LNP1: variants seen among roughly 807,000 people sequenced by gnomAD.
LNP1 encodes the protein leukemia NUP98 fusion partner 1.
LNP1 carries 12 observed loss-of-function variants against 14.5 expected under a neutral mutation model. The ratio of observed to expected loss-of-function variants is 0.83; its 90% CI spans 0.53 to 1.34. The LOEUF (loss-of-function observed/expected upper bound fraction) is 1.34, where lower values mean the gene tolerates loss of function less well. Among genes scored for constraint, LNP1 ranks in the 40% most tolerant of loss-of-function variants. The probability of loss-of-function intolerance (pLI) is 0.00; values close to 1 mark genes in which losing one functional copy is unlikely to be tolerated. For synonymous variants in LNP1, 75 were observed against 71.4 expected, an observed-to-expected ratio of 1.05 and a Z score of -0.26; for missense variants, 198 against 210.9, an observed-to-expected ratio of 0.94 and a Z score of 0.38.
In LNP1 at chr3:100,401,678, G is replaced by A. The variant is rs566841137; in HGVS notation, c.-795G>A. 1 of 152,432 alleles carries A rather than the reference G, an allele frequency of 6.6e-6. No individual in the cohort carries two copies. Among genetic ancestry groups the A allele is most frequent in the Admixed American group, 6.5e-5 (1 of 15,302 alleles). 9.4% of individuals were successfully genotyped at this position (152,432 alleles called of 1,614,324 possible). A position where few individuals can be genotyped will look rare whatever the true frequency, so the allele number is the denominator to read the frequency against. ...AGGAAAGAGCTCACCGCTGAAGAAG[G>A]CTGCTGCATCACTGAACTTCTTATC... On this transcript the variant is annotated 5_prime_UTR_variant, in exon 1 of 4. Coordinates refer to ENST00000383693, the MANE Select transcript of LNP1 (RefSeq NM_001085451.2).
chr3:100,451,873 C>T lies in LNP1; in HGVS notation c.311C>T (p.Ser104Phe), dbSNP rs754119227. 8 of 1,317,700 alleles carry T rather than the reference C, an allele frequency of 6.1e-6. No individual in the cohort carries two copies. Among genetic ancestry groups the T allele is most frequent in the Non-Finnish European group, 5.9e-6 (6 of 1,021,724 alleles). 81.6% of individuals were successfully genotyped at this position (1,317,700 alleles called of 1,614,324 possible). A position where few individuals can be genotyped will look rare whatever the true frequency, so the allele number is the denominator to read the frequency against. The change falls in exon 3 of 4, where the codon TCC (serine) becomes TTC (phenylalanine). Residue 104 changes from serine (S) to phenylalanine (F), a missense_variant. Ser to Phe is a radical substitution (Grantham distance 155). Transcript: ENST00000383693. ...FKEPLESKGRSHSKIEKFSES... is the reference protein window; with the variant it reads ...FKEPLESKGRFHSKIEKFSES... ...GAGCCACTGGAATCAAAAGGAAGAT[C>T]CCATTCCAAAATTGAGAAATTTTCA... is the stretch of plus-strand genomic sequence containing the variant.
chr3:100,449,553 G>A (rs1371973168), intron 2 of LNP1, among the ~76,000 whole-genome samples: 1 of 152,074 alleles, frequency 6.6e-6, no homozygotes, highest in African/African-American at 2.4e-5. Context: ...AGAGACAGCA[G>A]AAGTAAATGA....
chr3:100,428,409 G>A (rs1036914765), intron 1 of LNP1, among the ~76,000 whole-genome samples: 12 of 151,960 alleles, frequency 7.9e-5, no homozygotes, highest in South Asian at 2.1e-4. Flanking sequence ...GTGGGTGCCC[G>A]TAATCCCAGC....
At position 100,456,169 on chromosome 3, in the gene LNP1, A is replaced by G; in HGVS notation, c.*243A>G. The G allele has an allele frequency of 2.6e-6, 1 of 385,068 alleles. No homozygotes were observed. The highest frequency in any genetic ancestry group is 4.7e-6 in the Non-Finnish European group (1 of 214,092). 23.9% of individuals were successfully genotyped at this position (385,068 alleles called of 1,614,324 possible). A position where few individuals can be genotyped will look rare whatever the true frequency, so the allele number is the denominator to read the frequency against. ...GTATAATCTGCTTGGTTGCCTTTTT[A>G]TGGGAATAAAGAGAATAAAAGGTAT... is the stretch of plus-strand genomic sequence containing the variant. On this transcript the variant is annotated 3_prime_UTR_variant, in exon 4 of 4. Transcript: ENST00000383693.
chr3:100,404,192 G>GT (rs1206747663), intron 1 of LNP1, among the ~76,000 whole-genome samples: 3 of 152,092 alleles, frequency 2.0e-5, no homozygotes, highest in African/African-American at 7.2e-5. Context: ...ATTCATTGTG[G>GT]TTTTTTTGTG....
chr3:100,422,083 G>A (rs1161038102), intron 1 of LNP1, among the ~76,000 whole-genome samples: 3 of 151,950 alleles, frequency 2.0e-5, no homozygotes, highest in Admixed American at 6.5e-5. Context: ...TTCAACAGAA[G>A]TGCTGAGGCA....
At chr3:100,427,319 G>A (rs1707202698) in intron 1 of LNP1, among the ~76,000 whole-genome samples, 1 of 152,058 alleles carries the variant, frequency 6.6e-6, no homozygotes, top group Admixed American at 6.5e-5. Flanking sequence ...AAACCCAAAG[G>A]CATCAGCCAG....
At chr3:100,408,822 A>G (rs982465138) in intron 1 of LNP1, among the ~76,000 whole-genome samples, 46 of 152,034 alleles carry the variant, frequency 3.0e-4, no homozygotes, top group African/African-American at 1.1e-3. Flanking sequence ...GTCTTGGGGG[A>G]AGGGTGACAT....
At chr3:100,427,674 A>G (rs1202429945) in intron 1 of LNP1, among the ~76,000 whole-genome samples, 2 of 152,318 alleles carry the variant, frequency 1.3e-5, no homozygotes, top group East Asian at 1.9e-4. Flanking sequence ...AGTTGTACTC[A>G]TGGATAAGAT....
At chr3:100,435,531 A>C (rs1707286158) in intron 2 of LNP1, among the ~76,000 whole-genome samples, 1 of 152,228 alleles carries the variant, frequency 6.6e-6, no homozygotes, top group Non-Finnish European at 1.5e-5. Flanking sequence ...CACTAAATGC[A>C]TGCAGTGTAT....
chr3:100,428,063 A>G lies in LNP1; in HGVS notation c.-33-1634A>G, dbSNP rs552905613. 2.0e-5 allele frequency among the ~76,000 whole-genome samples: 3 copies of G among 152,342 alleles called. No individual in the cohort carries two copies. In the East Asian group the frequency reaches 5.8e-4, roughly 29 times the overall value. ...CGAGACTTCTCCAAGTTCTCTTGAA[A>G]TACTGGCAGGATGGTGGAAAGAGCC... On this transcript the variant is annotated intron_variant, in intron 1 of 3. Transcript: ENST00000383693.
At chr3:100,420,231 A>G (rs1020891436) in intron 1 of LNP1, among the ~76,000 whole-genome samples, 2 of 152,186 alleles carry the variant, frequency 1.3e-5, no homozygotes, top group African/African-American at 4.8e-5. Context: ...CACCATTTGT[A>G]TATCCTTCTC....
chr3:100,444,478 T>G (rs1053099842), intron 2 of LNP1, among the ~76,000 whole-genome samples: 6 of 152,224 alleles, frequency 3.9e-5, no homozygotes, highest in Non-Finnish European at 5.9e-5. Flanking sequence ...CCTGTATAAT[T>G]GTAATACCAA....
At chr3:100,406,499 T>A (rs1489376039) in intron 1 of LNP1, among the ~76,000 whole-genome samples, 1 of 152,140 alleles carries the variant, frequency 6.6e-6, no homozygotes, top group Non-Finnish European at 1.5e-5. Flanking sequence ...TATAAATGTG[T>A]CTGTGGTGGT....
intron 2 of LNP1, among the ~76,000 whole-genome samples, chr3:100,450,602 G>T (rs1031298637): frequency 6.6e-6 from 1 of 152,136 alleles, no homozygotes; most frequent in Non-Finnish European, 1.5e-5. Context: ...CTCCCAAAGT[G>T]CTGGGATTAC....
chr3:100,413,346 C>T (rs752230323), intron 1 of LNP1, among the ~76,000 whole-genome samples: 20 of 152,204 alleles, frequency 1.3e-4, no homozygotes, highest in Non-Finnish European at 2.5e-4. Context: ...GGTACTGCTT[C>T]ACTTCTCAGG....
chr3:100,442,024 C>A (rs1707348602), intron 2 of LNP1, among the ~76,000 whole-genome samples: 1 of 152,126 alleles, frequency 6.6e-6, no homozygotes, highest in African/African-American at 2.4e-5. Context: ...TTCCATTGCT[C>A]TTTTGCTTAG....
chr3:100,429,315 G>A (rs563760439), intron 1 of LNP1, among the ~76,000 whole-genome samples: 19 of 152,264 alleles, frequency 1.2e-4, no homozygotes, highest in Admixed American at 3.9e-4. Flanking sequence ...GAGCTGACAG[G>A]CATATTGTGA....
chr3:100,445,239 C>T (rs1707377051), intron 2 of LNP1, among the ~76,000 whole-genome samples: 1 of 152,180 alleles, frequency 6.6e-6, no homozygotes, highest in African/African-American at 2.4e-5. Context: ...CCACTGCACT[C>T]CAGCCTGGTA....
Sources: gnomAD v4.1 joint callset for allele counts (sites outside exome capture counted in the v4.1 genomes callset) on GRCh38, gnomAD v4.1.1 for gene constraint, MANE v1.5 for transcripts, NCBI Gene and HGNC (gene_info 2026-07-23, HGNC 2026-07-21) for gene names.